The following EBF3 variants were observed in gnomAD, a reference collection of about 807,000 sequenced individuals.
EBF3 encodes the protein transcription factor COE3.
In EBF3, 18 loss-of-function variants were observed where a neutral mutation model predicts 77.1. That is an observed-to-expected ratio of 0.23 (90% confidence interval 0.16 to 0.35). The LOEUF (loss-of-function observed/expected upper bound fraction) is 0.35. Among genes scored for constraint, EBF3 ranks in the 10% least tolerant of loss-of-function variants. The probability of loss-of-function intolerance (pLI) is 1.00; values close to 1 mark genes in which losing one functional copy is unlikely to be tolerated. For synonymous variants in EBF3, 350 were observed against 343.5 expected, an observed-to-expected ratio of 1.02 and a Z score of -0.21; for missense variants, 558 against 860.0, an observed-to-expected ratio of 0.65 and a Z score of 4.39.
intron 10 of EBF3, among the ~76,000 whole-genome samples, chr10:129,859,421 T>C (rs1851468686): frequency 6.6e-6 from 1 of 152,208 alleles, no homozygotes; most frequent in African/African-American, 2.4e-5. Context: ...GACAGGGTTT[T>C]ACCATGTTGG....
chr10:129,840,815 G>C (rs774593408), intron 14 of EBF3, 29 bp downstream of exon 14: 1 of 1,601,426 alleles, frequency 6.2e-7, no homozygotes, highest in African/African-American at 1.3e-5. Flanking sequence ...GAATCTGCGT[G>C]ATGACGTGTG....
chr10:129,869,021 T>C (rs546069862), intron 8 of EBF3, among the ~76,000 whole-genome samples: 2 of 152,340 alleles, frequency 1.3e-5, no homozygotes, highest in Non-Finnish European at 2.9e-5. Context: ...CAAGGAAGAA[T>C]GGGCCATGTA....
intron 5 of EBF3, 105 bp downstream of exon 5, chr10:129,958,829 T>C (rs1859245259): frequency 7.1e-7 from 1 of 1,399,690 alleles, no homozygotes; most frequent in South Asian, 1.5e-5. Flanking sequence ...ATCGATGCCC[T>C]TCCCGGAGCT....
chr10:129,937,189 G>A (rs1157755727), intron 6 of EBF3, among the ~76,000 whole-genome samples: 1 of 152,164 alleles, frequency 6.6e-6, no homozygotes, highest in African/African-American at 2.4e-5. Flanking sequence ...CAGATGGGTG[G>A]GACAACCACA....
rs914045738 is a variant in EBF3, at chr10:129,842,781, AG to A, written c.1194+355del. On this transcript the variant is annotated intron_variant, in intron 12 of 16. Coordinates refer to ENST00000440978, the MANE Select transcript of EBF3 (RefSeq NM_001375380.1). The surrounding 1 kb of genome is among the most constrained non-coding windows in gnomAD (Gnocchi z 4.4). ...CCTGTCTAAAAAAAAAAAAAAAAAA[AG>A]GGAGCAACATTTGCTGTGTTCTGTC... 6.1e-5 allele frequency among the ~76,000 whole-genome samples: 9 copies of A among 148,730 alleles called. No homozygotes were observed. Among genetic ancestry groups the A allele is most frequent in the African/African-American group, 1.2e-4 (5 of 40,454 alleles).
intron 3 of EBF3, among the ~76,000 whole-genome samples, chr10:129,962,642 A>G (rs1254810544): frequency 2.0e-5 from 3 of 151,916 alleles, no homozygotes; most frequent in Non-Finnish European, 2.9e-5. Context: ...CCGTTTATGG[A>G]GTTACCCCCA....
intron 6 of EBF3, among the ~76,000 whole-genome samples, chr10:129,886,340 TTAATGCAGG>T (rs1313074551): frequency 1.3e-5 from 2 of 152,248 alleles, no homozygotes; most frequent in African/African-American, 4.8e-5. Context: ...ATTATTAGTT[TTAATGCAGG>T]TAATGCAGCT....
intron 10 of EBF3, among the ~76,000 whole-genome samples, chr10:129,862,219 T>C (rs1002137798): frequency 6.6e-6 from 1 of 152,164 alleles, no homozygotes; most frequent in Non-Finnish European, 1.5e-5. Flanking sequence ...CTGTTAGCAA[T>C]TACTGGTTGA....
chr10:129,926,247 G>A (rs897473801), intron 6 of EBF3, among the ~76,000 whole-genome samples: 6 of 152,288 alleles, frequency 3.9e-5, no homozygotes, highest in African/African-American at 1.4e-4. Context: ...GGACGAGAAT[G>A]GCGGAACGCA....
intron 16 of EBF3, among the ~76,000 whole-genome samples, 200 bp downstream of exon 16, chr10:129,838,883 C>T (rs903733503): frequency 4.6e-5 from 7 of 152,206 alleles, no homozygotes; most frequent in Non-Finnish European, 8.8e-5. Flanking sequence ...GCGTACACAC[C>T]GCGTAGGAGG....
rs1383517377 is a variant in EBF3 at position 129,842,796 on chromosome 10, CTG to C, written c.1194+339_1194+340del. 1.4e-5 allele frequency among the ~76,000 whole-genome samples: 2 copies of C among 147,798 alleles called. No individual in the cohort carries two copies. The highest frequency in any genetic ancestry group is 3.0e-5 in the Non-Finnish European group (2 of 67,206). On this transcript the variant is annotated intron_variant, in intron 12 of 16. Coordinates refer to ENST00000440978, the MANE Select transcript of EBF3 (RefSeq NM_001375380.1). The surrounding 1 kb of genome is among the most constrained non-coding windows in gnomAD (Gnocchi z 4.4). ...AAAAAAAAAAAGGGAGCAACATTTGCTGTGTTCTGTCCTGCATGCTGTGGGGC... is the reference window on the plus strand; with the variant it reads ...AAAAAAAAAAAGGGAGCAACATTTGCTGTTCTGTCCTGCATGCTGTGGGGC...
At chr10:129,926,995 C>G (rs1856721913) in intron 6 of EBF3, among the ~76,000 whole-genome samples, 1 of 152,228 alleles carries the variant, frequency 6.6e-6, no homozygotes, top group Non-Finnish European at 1.5e-5. Flanking sequence ...CACCGTGGCC[C>G]CAGGAACCGC....
intron 6 of EBF3, among the ~76,000 whole-genome samples, chr10:129,918,696 A>G (rs1211807848): frequency 6.6e-6 from 1 of 152,198 alleles, no homozygotes; most frequent in Admixed American, 6.5e-5. Flanking sequence ...TCAGGAGTGA[A>G]GCCCAGATGC....
In EBF3 at chr10:129,861,936, C is replaced by T. The variant is rs549030431; in HGVS notation, c.1039+5205G>A. 6.6e-6 allele frequency among the ~76,000 whole-genome samples: 1 copy of T among 152,170 alleles called. No individual in the cohort carries two copies. The highest frequency in any genetic ancestry group is 1.5e-5 in the Non-Finnish European group (1 of 68,044). On this transcript the variant is annotated intron_variant, in intron 10 of 16. Transcript: ENST00000440978. The surrounding 1 kb of genome is among the most constrained non-coding windows in gnomAD (Gnocchi z 4.3). Reference sequence around the variant, plus strand: ...GGCTGGCGTGGTCGAAGGGCACAGTCGACTCCGCAGTGCTGACGGGACCGC... The same window carrying T: ...GGCTGGCGTGGTCGAAGGGCACAGTTGACTCCGCAGTGCTGACGGGACCGC...
At chr10:129,922,295 GA>G (rs1025679045) in intron 6 of EBF3, among the ~76,000 whole-genome samples, 1 of 152,184 alleles carries the variant, frequency 6.6e-6, no homozygotes, top group African/African-American at 2.4e-5. Context: ...CCCAGCCAAG[GA>G]ACAGAGGATG....
intron 6 of EBF3, among the ~76,000 whole-genome samples, chr10:129,886,800 T>A (rs184423637): frequency 2.2e-4 from 34 of 152,176 alleles, no homozygotes; most frequent in African/African-American, 8.0e-4. Context: ...CTAATTCACA[T>A]TAGCACGGTT....
At chr10:129,882,265 G>A (rs1211050975) in intron 6 of EBF3, among the ~76,000 whole-genome samples, 1 of 152,234 alleles carries the variant, frequency 6.6e-6, no homozygotes, top group African/African-American at 2.4e-5. Context: ...TTCTACATGG[G>A]TATTGTGTAA....
rs532502770 is a variant in EBF3, at chr10:129,870,945, T to C, written c.781+2507A>G. ...TATTGAGGCACTCAAACAGGCCTAA[T>C]CTTGCCTCATGAAGACTTCTTTGTT... is the stretch of plus-strand genomic sequence containing the variant. On this transcript the variant is annotated intron_variant, in intron 8 of 16. Transcript: ENST00000440978. This position sits in a 1 kb window ranked among gnomAD's most constrained non-coding sequence, Gnocchi z 4.4. Among the ~76,000 whole-genome samples the C allele has an allele frequency of 1.1e-3, 174 of 152,326 alleles. 1 individual carries two copies. Among genetic ancestry groups the C allele is most frequent in the Non-Finnish European group, 2.0e-3 (135 of 68,024 alleles).
chr10:129,901,808 G>A (rs1402869073), intron 6 of EBF3, among the ~76,000 whole-genome samples: 2 of 152,180 alleles, frequency 1.3e-5, no homozygotes, highest in Admixed American at 6.5e-5. Context: ...AGTTGGGGTG[G>A]GCCTCGTGGC....
Sources: gnomAD v4.1 joint callset for allele counts (sites outside exome capture counted in the v4.1 genomes callset) on GRCh38, gnomAD v4.1.1 for gene constraint, Gnocchi (gnomAD v3.1) non-coding constraint, MANE v1.5 for transcripts, NCBI Gene and HGNC (gene_info 2026-07-23, HGNC 2026-07-21) for gene names.